PRKD1: variants seen among roughly 807,000 people sequenced by gnomAD.
PRKD1 encodes the protein protein kinase D1, also known as serine/threonine-protein kinase D1.
A neutral mutation model predicts 95.9 loss-of-function variants in PRKD1; 63 were observed. That is an observed-to-expected ratio of 0.66 (90% CI 0.54 to 0.81). The LOEUF (loss-of-function observed/expected upper bound fraction) is 0.81, where lower values mean the gene tolerates loss of function less well. PRKD1 is among the 30% of genes least tolerant of loss of function. The pLI is 0.00. For missense variants in PRKD1, 1,048 were observed against 1,165.3 expected (o/e 0.90, Z 1.47); for synonymous variants, 425 against 423.1 (o/e 1.00, Z -0.05).
chr14:29,609,714 A>T (rs2333607), intron 13 of PRKD1, among the ~76,000 whole-genome samples: 70,108 of 131,636 alleles, frequency 0.53, 19,407 homozygotes, highest in East Asian at 0.68. Flanking sequence ...CTATTTCTTT[A>T]TTTTTTTTTT....
chr14:29,753,613 T>C (rs1338241292), intron 1 of PRKD1, among the ~76,000 whole-genome samples: 1 of 152,126 alleles, frequency 6.6e-6, no homozygotes, highest in Non-Finnish European at 1.5e-5. Flanking sequence ...ATATCCTTTC[T>C]CCTCCCCAGC....
intron 2 of PRKD1, among the ~76,000 whole-genome samples, chr14:29,680,850 G>A (rs1434615715): frequency 1.3e-5 from 2 of 152,190 alleles, no homozygotes; most frequent in Non-Finnish European, 2.9e-5. Context: ...GGAGGGCTAA[G>A]AAAGAAGTAG....
At chr14:29,637,742 G>C (rs913387484) in intron 6 of PRKD1, among the ~76,000 whole-genome samples, 2 of 152,140 alleles carry the variant, frequency 1.3e-5, no homozygotes, top group South Asian at 2.1e-4. Context: ...ATTTCTTCTA[G>C]AGAAGAAAGT....
In PRKD1 at chr14:29,631,030, G is replaced by A. The variant is rs1555329961; in HGVS notation, c.1393-9C>T. The A allele has an allele frequency of 1.3e-5, 21 of 1,581,576 alleles. No individual in the cohort carries two copies. The highest frequency in any genetic ancestry group is 9.2e-5 in the Admixed American group (5 of 54,318). On this transcript the variant is annotated splice_polypyrimidine_tract_variant and intron_variant, in intron 9 of 17. Coordinates refer to ENST00000331968, the MANE Select transcript of PRKD1 (RefSeq NM_002742.3). ...TCAGATAAAGGAATTTCCTGTGAAAGAAAAAAAGTACTAAATGTTGTTTAT... is the reference window on the plus strand; with the variant it reads ...TCAGATAAAGGAATTTCCTGTGAAAAAAAAAAAGTACTAAATGTTGTTTAT...
chr14:29,581,215 C>A (rs1892744831), intron 16 of PRKD1, among the ~76,000 whole-genome samples: 1 of 152,036 alleles, frequency 6.6e-6, no homozygotes, highest in African/African-American at 2.4e-5. Context: ...CTGCTTAGTC[C>A]TCCTGTACAC....
intron 2 of PRKD1, among the ~76,000 whole-genome samples, chr14:29,683,511 G>T (rs1377505569): frequency 1.3e-5 from 2 of 152,124 alleles, no homozygotes; most frequent in Non-Finnish European, 2.9e-5. Flanking sequence ...TGTTCTTAAA[G>T]ACATGTGTGT....
intron 1 of PRKD1, among the ~76,000 whole-genome samples, chr14:29,806,242 C>G (rs1890227408): frequency 6.6e-6 from 1 of 152,206 alleles, no homozygotes; most frequent in South Asian, 2.1e-4. Context: ...CTGGGTCCCT[C>G]TCTTCTTCCT....
At chr14:29,734,848 C>G (rs940082856) in intron 1 of PRKD1, among the ~76,000 whole-genome samples, 15 of 152,276 alleles carry the variant, frequency 9.9e-5, no homozygotes, top group South Asian at 2.1e-4. Context: ...GGCTTGGCCT[C>G]CCTGAGCTCT....
At chr14:29,667,244 G>C (rs1328862075) in intron 2 of PRKD1, among the ~76,000 whole-genome samples, 2 of 152,098 alleles carry the variant, frequency 1.3e-5, no homozygotes, top group African/African-American at 4.8e-5. Flanking sequence ...ACGAGTCTCA[G>C]TTTCTCATAC....
chr14:29,916,668 A>C (rs1894899570), intron 1 of PRKD1, among the ~76,000 whole-genome samples: 1 of 152,190 alleles, frequency 6.6e-6, no homozygotes, highest in Admixed American at 6.5e-5. Flanking sequence ...TTTCCATATT[A>C]GAGACACAGA....
chr14:29,757,403 A>G (rs1484629013), intron 1 of PRKD1, among the ~76,000 whole-genome samples: 1 of 152,176 alleles, frequency 6.6e-6, no homozygotes, highest in Non-Finnish European at 1.5e-5. Context: ...GGTTACATGG[A>G]GAAACTATCA....
intron 2 of PRKD1, among the ~76,000 whole-genome samples, chr14:29,672,560 C>A (rs1882923285): frequency 6.6e-6 from 1 of 151,844 alleles, no homozygotes; most frequent in African/African-American, 2.4e-5. Context: ...GACTTAGAAA[C>A]AAGAGGTCAT....
At chr14:29,913,523 C>T (rs1479545544) in intron 1 of PRKD1, among the ~76,000 whole-genome samples, 8 of 152,212 alleles carry the variant, frequency 5.3e-5, no homozygotes, top group African/African-American at 1.9e-4. Flanking sequence ...TTTACTTTTG[C>T]TCCTTATCCT....
intron 4 of PRKD1, among the ~76,000 whole-genome samples, chr14:29,649,473 CTTTGTG>C (rs1446221895): frequency 1.9e-4 from 28 of 148,650 alleles, no homozygotes; most frequent in African/African-American, 7.0e-4. Flanking sequence ...GAAGTTTTTA[CTTTGTG>C]TTTGTAGTTG....
rs8006019 is a variant in PRKD1 at position 29,893,798 on chromosome 14, C to T, written c.264+33451G>A. ...GTTCTAAGTGTGCTCCTAGATATGA[C>T]TCTACACTAACACATTACAATCTCC... On this transcript the variant is annotated intron_variant, in intron 1 of 17. Coordinates refer to ENST00000331968, the MANE Select transcript of PRKD1 (RefSeq NM_002742.3). 9.3e-4 allele frequency among the ~76,000 whole-genome samples: 142 copies of T among 152,256 alleles called. 3 individuals carry two copies. The highest frequency in any genetic ancestry group is 3.3e-3 in the African/African-American group (137 of 41,540).
chr14:29,795,942 T>A (rs560576385), intron 1 of PRKD1, among the ~76,000 whole-genome samples: 1 of 152,134 alleles, frequency 6.6e-6, no homozygotes, highest in Non-Finnish European at 1.5e-5. Flanking sequence ...TTTACTAAGA[T>A]CACTTTAAAT....
intron 12 of PRKD1, among the ~76,000 whole-genome samples, chr14:29,624,662 G>C (rs1401319672): frequency 7.2e-5 from 11 of 152,082 alleles, no homozygotes; most frequent in Non-Finnish European, 1.6e-4. Context: ...AAGAATTAAA[G>C]TCTTGGCTCT....
At chr14:29,679,913 A>C (rs1883442599) in intron 2 of PRKD1, among the ~76,000 whole-genome samples, 1 of 152,068 alleles carries the variant, frequency 6.6e-6, no homozygotes, top group African/African-American at 2.4e-5. Flanking sequence ...TGGAAGGTAC[A>C]AATCTTGGCT....
chr14:29,874,589 T>C (rs1410908052), intron 1 of PRKD1, among the ~76,000 whole-genome samples: 2 of 152,152 alleles, frequency 1.3e-5, no homozygotes, highest in Non-Finnish European at 2.9e-5. Flanking sequence ...TCAACCTAAG[T>C]GTCCATCAAT....
Sources: allele counts gnomAD v4.1 joint callset (sites outside exome capture counted in the v4.1 genomes callset), GRCh38; gene constraint gnomAD v4.1.1; transcripts MANE v1.5; gene names NCBI Gene and HGNC (gene_info 2026-07-23, HGNC 2026-07-21).